The following GSG1L variants were observed in gnomAD, a reference collection of about 807,000 sequenced individuals.
The protein encoded by GSG1L is GSG1 like, also known as germ cell-specific gene 1-like protein.
Under a neutral mutation model 42.1 loss-of-function variants are expected in GSG1L, and 24 were observed. That is an observed-to-expected ratio of 0.57 (90% confidence interval 0.41 to 0.80). The LOEUF (loss-of-function observed/expected upper bound fraction) is 0.80, where lower values mean the gene tolerates loss of function less well. Ranked by LOEUF, GSG1L falls within the 30% of genes least tolerant of loss-of-function variation. The pLI is 0.00. For synonymous variants in GSG1L, 215 were observed against 203.5 expected, an observed-to-expected ratio of 1.06 and a Z score of -0.48; for missense variants, 445 against 472.2, an observed-to-expected ratio of 0.94 and a Z score of 0.53.
chr16:27,995,904 A>G (rs2085509984), intron 1 of GSG1L, among the ~76,000 whole-genome samples: 1 of 151,790 alleles, frequency 6.6e-6, no homozygotes, highest in Non-Finnish European at 1.5e-5. Flanking sequence ...ACACACACAC[A>G]CACACACACA....
At chr16:28,037,740 A>G (rs2086057262) in intron 1 of GSG1L, among the ~76,000 whole-genome samples, 1 of 152,222 alleles carries the variant, frequency 6.6e-6, no homozygotes, top group African/African-American at 2.4e-5. Flanking sequence ...GCAATGGACC[A>G]AAGTCCCATG....
intron 1 of GSG1L, among the ~76,000 whole-genome samples, chr16:27,976,482 G>A (rs2085252227): frequency 6.6e-6 from 1 of 152,188 alleles, no homozygotes; most frequent in African/African-American, 2.4e-5. Context: ...AATCTCACAA[G>A]AGCGGGGACC....
At chr16:28,000,584 G>C (rs2085569968) in intron 1 of GSG1L, among the ~76,000 whole-genome samples, 1 of 152,094 alleles carries the variant, frequency 6.6e-6, no homozygotes, top group Non-Finnish European at 1.5e-5. Context: ...CCTCCAGACT[G>C]GTGCAAGAGG....
At chr16:27,934,677 G>A (rs535307752) in intron 2 of GSG1L, among the ~76,000 whole-genome samples, 25 of 152,336 alleles carry the variant, frequency 1.6e-4, no homozygotes, top group East Asian at 3.9e-4. Context: ...TGGCTCCAGC[G>A]TGCAGCGGCC....
At chr16:27,795,241 G>A (rs1354045523) in intron 6 of GSG1L, among the ~76,000 whole-genome samples, 2 of 151,916 alleles carry the variant, frequency 1.3e-5, no homozygotes, top group Non-Finnish European at 1.5e-5. Flanking sequence ...TGATTCCTGC[G>A]CTTGGGATGC....
At chr16:28,005,112 G>C (rs531944382) in intron 1 of GSG1L, among the ~76,000 whole-genome samples, 1 of 152,064 alleles carries the variant, frequency 6.6e-6, no homozygotes. Flanking sequence ...ATCTGTTTCC[G>C]GCCTCTCTCC....
chr16:28,056,707 C>T (rs905858421), intron 1 of GSG1L, among the ~76,000 whole-genome samples: 2 of 152,046 alleles, frequency 1.3e-5, no homozygotes, highest in African/African-American at 2.4e-5. Context: ...CTGAGTCCTA[C>T]GGCATTGAAG....
intron 2 of GSG1L, among the ~76,000 whole-genome samples, chr16:27,945,552 C>T (rs1273894790): frequency 6.6e-6 from 1 of 152,174 alleles, no homozygotes; most frequent in African/African-American, 2.4e-5. Flanking sequence ...AAGCAGGGGC[C>T]AGGGCATCCC....
chr16:27,914,987 T>G (rs2084435939), intron 2 of GSG1L, among the ~76,000 whole-genome samples: 2 of 152,142 alleles, frequency 1.3e-5, no homozygotes, highest in South Asian at 4.1e-4. Context: ...CCATGTCATT[T>G]GTGTGATCAC....
chr16:28,056,890 C>T (rs185859541), intron 1 of GSG1L, among the ~76,000 whole-genome samples: 65 of 152,152 alleles, frequency 4.3e-4, no homozygotes, highest in Non-Finnish European at 7.9e-4. Context: ...GGAGTGCCGG[C>T]GGGCAGCAAG....
At position 27,875,527 on chromosome 16, in the gene GSG1L, G is replaced by A. The variant is rs943212881; in HGVS notation, c.550+8959C>T. Among the ~76,000 whole-genome samples the A allele has an allele frequency of 6.6e-5, 10 of 152,226 alleles. No individual in the cohort carries two copies. In the East Asian group the frequency reaches 9.7e-4, roughly 15 times the overall value. ...CCATTCCTGGGGCACCGGATCGTTC[G>A]GTTCCACTGTGGACACTCTGATAAT... On this transcript the variant is annotated intron_variant, in intron 3 of 6. Coordinates refer to ENST00000447459, the MANE Select transcript of GSG1L (RefSeq NM_001109763.2).
intron 2 of GSG1L, among the ~76,000 whole-genome samples, chr16:27,936,318 T>G (rs558056958): frequency 5.3e-5 from 8 of 152,274 alleles, no homozygotes; most frequent in African/African-American, 1.9e-4. Flanking sequence ...TGGAGCCTAA[T>G]GGAAGGTGTT....
At chr16:27,943,376 C>T (rs2084822701) in intron 2 of GSG1L, among the ~76,000 whole-genome samples, 1 of 151,848 alleles carries the variant, frequency 6.6e-6, no homozygotes. Flanking sequence ...TGTAGCAATA[C>T]AGCAGAATAT....
At chr16:27,846,476 C>A (rs914582248) in intron 3 of GSG1L, among the ~76,000 whole-genome samples, 1 of 152,130 alleles carries the variant, frequency 6.6e-6, no homozygotes, top group Non-Finnish European at 1.5e-5. Flanking sequence ...GTGGACTTAG[C>A]CTGTTGGCAA....
At chr16:27,820,532 G>T (rs1416445463) in intron 5 of GSG1L, among the ~76,000 whole-genome samples, 1 of 152,182 alleles carries the variant, frequency 6.6e-6, no homozygotes, top group East Asian at 1.9e-4. Context: ...GCAAACAGGA[G>T]AGAGAGAACA....
intron 2 of GSG1L, among the ~76,000 whole-genome samples, chr16:27,926,704 C>T (rs1439099994): frequency 6.6e-6 from 1 of 151,608 alleles, no homozygotes; most frequent in African/African-American, 2.4e-5. Flanking sequence ...AAAAAACAAA[C>T]GAAAAAAAAC....
chr16:27,861,985 A>T (rs2083659156), intron 3 of GSG1L, among the ~76,000 whole-genome samples: 1 of 152,112 alleles, frequency 6.6e-6, no homozygotes, highest in African/African-American at 2.4e-5. Context: ...ATGTGACCCA[A>T]CCCAAGTGGA....
At chr16:27,829,098 A>C in intron 4 of GSG1L, 142 bp from the exon 5 acceptor site, 3 of 747,978 alleles carry the variant, frequency 4.0e-6, no homozygotes, top group Non-Finnish European at 6.5e-6. Context: ...AGAGAAGGAT[A>C]AGACTTGGTC....
At chr16:27,869,358 A>G (rs763487062) in intron 3 of GSG1L, among the ~76,000 whole-genome samples, 19 of 151,644 alleles carry the variant, frequency 1.3e-4, no homozygotes, top group Admixed American at 6.5e-4. Flanking sequence ...GCAGGTGCTC[A>G]GTAAATGTCG....
Sources: gnomAD v4.1 joint callset for allele counts (sites outside exome capture counted in the v4.1 genomes callset) on GRCh38, gnomAD v4.1.1 for gene constraint, MANE v1.5 for transcripts, NCBI Gene and HGNC (gene_info 2026-07-23, HGNC 2026-07-21) for gene names.